LOC400499: variants seen among roughly 807,000 people sequenced by gnomAD.
At chr16:11,429,361 C>CA in the LOC400499 span, among the ~76,000 whole-genome samples, 1 of 152,154 alleles carries the variant, frequency 6.6e-6, no homozygotes, top group Non-Finnish European at 1.5e-5. Flanking sequence ...AACTATGAGC[C>CA]AACGTCTTTG....
the LOC400499 span, chr16:11,446,877 G>A: frequency 6.5e-7 from 1 of 1,535,930 alleles, no homozygotes; most frequent in Non-Finnish European, 8.7e-7. Flanking sequence ...CCTGCAGGAG[G>A]AGGCTCTGCG....
chr16:11,435,630 T>C, the LOC400499 span: 1 of 399,418 alleles, frequency 2.5e-6, no homozygotes, highest in Admixed American at 4.4e-5. Flanking sequence ...GTGGTCTCCC[T>C]GCCTCCTCGC....
the LOC400499 span, chr16:11,460,595 G>A: frequency 5.9e-6 from 9 of 1,533,040 alleles, no homozygotes; most frequent in Admixed American, 2.0e-5. Context: ...CTCGTGTGCC[G>A]CCTGCTTTGC....
chr16:11,396,448 A>T, the LOC400499 span: 53 of 1,226,968 alleles, frequency 4.3e-5, no homozygotes, highest in Non-Finnish European at 5.2e-5. Context: ...CTGGCCAGGG[A>T]GGAACCGCAG....
At chr16:11,383,734 G>T in the LOC400499 span, 1 of 1,232,464 alleles carries the variant, frequency 8.1e-7, no homozygotes, top group South Asian at 4.1e-5. Flanking sequence ...GAGCTCCTGG[G>T]TGCCACAGGG....
At chr16:11,389,958 G>A in the LOC400499 span, 14 of 459,056 alleles carry the variant, frequency 3.0e-5, no homozygotes, top group South Asian at 1.7e-3. Flanking sequence ...AGAAAGCCCA[G>A]CTTCCTCATC....
the LOC400499 span, chr16:11,462,335 A>G: frequency 6.9e-7 from 1 of 1,439,366 alleles, no homozygotes; most frequent in Non-Finnish European, 9.1e-7. Context: ...CTGGGAGGAC[A>G]GGCTTGGCCA....
the LOC400499 span, among the ~76,000 whole-genome samples, chr16:11,377,513 C>G: frequency 6.6e-6 from 1 of 152,200 alleles, no homozygotes; most frequent in Non-Finnish European, 1.5e-5. Flanking sequence ...TGTTTTTAAT[C>G]ACGAAAGGGT....
At chr16:11,395,491 ACAGT>A in the LOC400499 span, among the ~76,000 whole-genome samples, 1 of 152,182 alleles carries the variant, frequency 6.6e-6, no homozygotes. Flanking sequence ...CGGGGAAGTG[ACAGT>A]CAGTCCCGGA....
the LOC400499 span, chr16:11,401,358 G>T: frequency 2.5e-6 from 1 of 399,532 alleles, no homozygotes; most frequent in East Asian, 3.6e-5. Context: ...AGGGCCAGGC[G>T]GGCGGCCAGC....
the LOC400499 span, among the ~76,000 whole-genome samples, chr16:11,476,237 G>A: frequency 6.6e-6 from 1 of 151,988 alleles, no homozygotes; most frequent in African/African-American, 2.4e-5. Context: ...CCATGGAGCA[G>A]GACAAGGGAA....
At chr16:11,407,935 C>T in the LOC400499 span, among the ~76,000 whole-genome samples, 7 of 143,654 alleles carry the variant, frequency 4.9e-5, no homozygotes, top group South Asian at 1.6e-3. Context: ...TTAAAACCTA[C>T]AAAAATGGAG....
chr16:11,402,207 C>T, the LOC400499 span: 1 of 398,906 alleles, frequency 2.5e-6, no homozygotes, highest in South Asian at 1.3e-4. Context: ...GAGCTGAGGT[C>T]AGCAGCTCCA....
the LOC400499 span, among the ~76,000 whole-genome samples, chr16:11,376,211 T>C: frequency 6.6e-6 from 1 of 152,220 alleles, no homozygotes; most frequent in Admixed American, 6.5e-5. Context: ...GTTTGTCTGT[T>C]TCTCCTTTTG....
At chr16:11,425,195 G>A in the LOC400499 span, 1 of 399,076 alleles carries the variant, frequency 2.5e-6, no homozygotes, top group East Asian at 3.6e-5. Flanking sequence ...GGCCCCAGGA[G>A]CAGGCGCCAC....
the LOC400499 span, chr16:11,417,592 G>C: frequency 2.5e-6 from 1 of 396,314 alleles, no homozygotes; most frequent in African/African-American, 2.1e-5. Context: ...CATGGAGGAA[G>C]CCAGCTCCCC....
the LOC400499 span, among the ~76,000 whole-genome samples, chr16:11,424,807 C>A: frequency 7.0e-4 from 107 of 152,286 alleles, no homozygotes; most frequent in African/African-American, 2.4e-3. Flanking sequence ...CCTTGGGGTC[C>A]TGGCTAGGCC....
At chr16:11,383,889 C>A in the LOC400499 span, 1 of 1,232,040 alleles carries the variant, frequency 8.1e-7, no homozygotes, top group African/African-American at 1.6e-5. Flanking sequence ...CACTCACCAC[C>A]CGGAAGCAGT....
At chr16:11,374,842 G>A in the LOC400499 span, among the ~76,000 whole-genome samples, 1 of 152,118 alleles carries the variant, frequency 6.6e-6, no homozygotes, top group African/African-American at 2.4e-5. Flanking sequence ...TAGAATTGCT[G>A]GATTGTATGG....
Sources: allele counts gnomAD v4.1 joint callset (sites outside exome capture counted in the v4.1 genomes callset), GRCh38; gene constraint gnomAD v4.1.1; transcripts MANE v1.5.